ADAMTS20: variants seen among roughly 807,000 people sequenced by gnomAD.
ADAMTS20 encodes the protein ADAM metallopeptidase with thrombospondin type 1 motif 20, also known as A disintegrin and metalloproteinase with thrombospondin motifs 20.
ADAMTS20 carries 225 observed loss-of-function variants against 260.1 expected under a neutral mutation model. The observed-to-expected ratio is 0.87, with a 90% CI of 0.78 to 0.97. ADAMTS20 has a LOEUF of 0.97. Among genes scored for constraint, ADAMTS20 ranks in the 50% least tolerant of loss-of-function variants. The pLI is 0.00. For missense variants in ADAMTS20, 2,400 were observed against 2,337.7 expected, an observed-to-expected ratio of 1.03 and a Z score of -0.55; for synonymous variants, 802 against 769.5, an observed-to-expected ratio of 1.04 and a Z score of -0.70.
intron 6 of ADAMTS20, 126 bp from the exon 7 acceptor site, chr12:43,490,561 A>G: frequency 2.1e-6 from 1 of 474,258 alleles, no homozygotes; most frequent in Non-Finnish European, 3.8e-6. Flanking sequence ...AATCTAGTTC[A>G]CATTAACCTC....
chr12:43,532,598 C>T (rs2137505375), intron 2 of ADAMTS20, among the ~76,000 whole-genome samples: 1 of 127,284 alleles, frequency 7.9e-6, no homozygotes, highest in South Asian at 2.9e-4. Flanking sequence ...TACATGTGCA[C>T]ATTGTGCAGG....
chr12:43,442,691 GTAC>G (rs1474593889), intron 16 of ADAMTS20, among the ~76,000 whole-genome samples: 1 of 152,120 alleles, frequency 6.6e-6, no homozygotes, highest in Non-Finnish European at 1.5e-5. Flanking sequence ...CTATGTAAAT[GTAC>G]TGAAGCAATA....
intron 29 of ADAMTS20, among the ~76,000 whole-genome samples, chr12:43,384,298 G>T (rs963246476): frequency 2.0e-5 from 3 of 151,936 alleles, no homozygotes; most frequent in African/African-American, 7.3e-5. Flanking sequence ...AATTAATCAT[G>T]AATTATTCCA....
chr12:43,407,864 CCATT>C (rs897231460), intron 28 of ADAMTS20, among the ~76,000 whole-genome samples: 4 of 152,096 alleles, frequency 2.6e-5, no homozygotes, highest in African/African-American at 7.2e-5. Flanking sequence ...AGAAAAACTG[CCATT>C]CATTTAAAGC....
chr12:43,481,176 A>G (rs1459274297), intron 7 of ADAMTS20, among the ~76,000 whole-genome samples: 1 of 152,158 alleles, frequency 6.6e-6, no homozygotes, highest in African/African-American at 2.4e-5. Context: ...TGTGTGTGAA[A>G]AATCAGACCT....
chr12:43,368,357 G>A (rs957901464), intron 37 of ADAMTS20, among the ~76,000 whole-genome samples: 9 of 151,990 alleles, frequency 5.9e-5, no homozygotes, highest in Non-Finnish European at 1.0e-4. Flanking sequence ...ACCACTTTCC[G>A]TTTGAGTTTC....
At chr12:43,471,215 A>C (rs1942252329) in intron 7 of ADAMTS20, among the ~76,000 whole-genome samples, 4 of 152,114 alleles carry the variant, frequency 2.6e-5, no homozygotes. Flanking sequence ...GAGTCAAAGA[A>C]AGGGGTGACG....
At chr12:43,486,212 ACT>A (rs1942520632) in intron 7 of ADAMTS20, among the ~76,000 whole-genome samples, 1 of 152,172 alleles carries the variant, frequency 6.6e-6, no homozygotes, top group Non-Finnish European at 1.5e-5. Flanking sequence ...ACGGTATGGT[ACT>A]GGTATAAAAG....
At chr12:43,456,206 GA>G (rs996910072) in intron 11 of ADAMTS20, among the ~76,000 whole-genome samples, 12 of 151,960 alleles carry the variant, frequency 7.9e-5, no homozygotes, top group Non-Finnish European at 1.6e-4. Context: ...TAAATAATCA[GA>G]AATTTTAAAA....
chr12:43,375,562 A>G (rs1940208537), intron 35 of ADAMTS20, 50 bp from the exon 36 acceptor site: 2 of 1,588,884 alleles, frequency 1.3e-6, no homozygotes, highest in African/African-American at 2.7e-5. Flanking sequence ...ACGAGGCCAT[A>G]ATGTAGACAA....
At chr12:43,541,861 T>C (rs947194301) in intron 2 of ADAMTS20, among the ~76,000 whole-genome samples, 1 of 152,194 alleles carries the variant, frequency 6.6e-6, no homozygotes, top group East Asian at 1.9e-4. Context: ...AGATCTCTAG[T>C]ATAAAAATGA....
intron 3 of ADAMTS20, among the ~76,000 whole-genome samples, chr12:43,506,268 T>C (rs1592101822): frequency 6.6e-6 from 1 of 151,762 alleles, no homozygotes; most frequent in East Asian, 1.9e-4. Context: ...ATTACTTAAA[T>C]GAGATACTTA....
intron 29 of ADAMTS20, among the ~76,000 whole-genome samples, chr12:43,390,920 C>A (rs1257342062): frequency 6.6e-6 from 1 of 152,228 alleles, no homozygotes; most frequent in African/African-American, 2.4e-5. Flanking sequence ...TCCAAAACCA[C>A]TTCTGTATTT....
rs752205219 is a variant in ADAMTS20 at position 43,376,588 on chromosome 12, C to A, written c.5061G>T (p.Leu1687Phe). The A allele has an allele frequency of 1.2e-6, 2 of 1,613,694 alleles. No homozygotes were observed. The highest frequency in any genetic ancestry group is 1.7e-5 in the Admixed American group (1 of 59,998). Residue 1687 changes from leucine (L) to phenylalanine (F), a missense_variant, in exon 33 of 39, where the codon TTG becomes TTT. Leu to Phe is a conservative substitution (Grantham distance 22). Coordinates refer to ENST00000389420, the MANE Select transcript of ADAMTS20 (RefSeq NM_025003.5). ...RQVKCITKHG[L>F]SSDLCLNHLK... ...AATGGTTTAAACATAAGTCACTGGA[C>A]AAACCATGTTTGGTAATGCATTTCA... is the stretch of plus-strand genomic sequence containing the variant.
At chr12:43,492,434 A>G in intron 6 of ADAMTS20, 71 bp downstream of exon 6, 2 of 1,482,730 alleles carry the variant, frequency 1.3e-6, no homozygotes, top group East Asian at 4.6e-5. Flanking sequence ...AAAAGAATTA[A>G]GAAGAAGTAT....
chr12:43,547,156 G>A (rs986710766), intron 2 of ADAMTS20, among the ~76,000 whole-genome samples: 4 of 152,150 alleles, frequency 2.6e-5, no homozygotes, highest in Non-Finnish European at 4.4e-5. Context: ...AAATACATTG[G>A]GGTGTCAACT....
rs1942666597 is a variant in ADAMTS20, at chr12:43,495,589, A to C, written c.868-2336T>G. On this transcript the variant is annotated intron_variant, in intron 4 of 38. Coordinates refer to ENST00000389420, the MANE Select transcript of ADAMTS20 (RefSeq NM_025003.5). ...ATTATCACAGTATGTCTAAATTGGAAGCAAAGTATCCAAAAGCATGATTGC... is the reference window on the plus strand; with the variant it reads ...ATTATCACAGTATGTCTAAATTGGACGCAAAGTATCCAAAAGCATGATTGC... Among the ~76,000 whole-genome samples, 3 of 152,312 alleles carry C rather than the reference A, an allele frequency of 2.0e-5. No individual in the cohort carries two copies. In the South Asian group the frequency reaches 6.2e-4, roughly 32 times the overall value.
chr12:43,546,963 C>T (rs275630), intron 2 of ADAMTS20, among the ~76,000 whole-genome samples: 35,278 of 152,040 alleles, frequency 0.23, 4,902 homozygotes, highest in Non-Finnish European at 0.32. Flanking sequence ...CTCTTAGACT[C>T]TTCTGGTTCT....
At chr12:43,465,996 G>T (rs1942146117) in intron 9 of ADAMTS20, among the ~76,000 whole-genome samples, 1 of 151,992 alleles carries the variant, frequency 6.6e-6, no homozygotes, top group African/African-American at 2.4e-5. Context: ...AAGATTATTG[G>T]GAAGGAGCTC....
Sources: gnomAD v4.1 joint callset for allele counts (sites outside exome capture counted in the v4.1 genomes callset) on GRCh38, gnomAD v4.1.1 for gene constraint, MANE v1.5 for transcripts, NCBI Gene and HGNC (gene_info 2026-07-23, HGNC 2026-07-21) for gene names.